Variants in SORBS2 observed in about 807,000 individuals in gnomAD.
The protein encoded by SORBS2 is sorbin and SH3 domain containing 2, also known as sorbin and SH3 domain-containing protein 2.
In SORBS2, 46 loss-of-function variants were observed where a neutral mutation model predicts 97.7. The observed-to-expected ratio is 0.47, with a 90% CI of 0.37 to 0.60. The LOEUF is 0.60. Ranked by LOEUF, SORBS2 falls within the 20% of genes least tolerant of loss-of-function variation. The pLI is 0.00. For synonymous variants in SORBS2, 476 were observed against 473.4 expected (o/e 1.01, Z -0.07); for missense variants, 1,316 against 1,282.3 (o/e 1.03, Z -0.40).
intron 2 of SORBS2, among the ~76,000 whole-genome samples, chr4:185,738,387 T>C (rs1014467609): frequency 1.3e-5 from 2 of 152,220 alleles, no homozygotes; most frequent in Admixed American, 6.5e-5. Flanking sequence ...AGTGTTGGGA[T>C]TCATAAAGCC....
chr4:185,595,634 CT>C (rs1205015823), intron 12 of SORBS2, among the ~76,000 whole-genome samples: 3 of 151,836 alleles, frequency 2.0e-5, no homozygotes, highest in Admixed American at 1.3e-4. Context: ...ACTTTCCAGT[CT>C]TTTTTTCTCA....
At chr4:185,845,172 C>G (rs2173478) in intron 1 of SORBS2, among the ~76,000 whole-genome samples, 87,643 of 151,706 alleles carry the variant, frequency 0.58, 25,583 homozygotes, top group East Asian at 0.79. Context: ...ACCACCACCC[C>G]CCAGCTAATT....
chr4:185,841,004 A>G (rs2153677579), intron 1 of SORBS2, among the ~76,000 whole-genome samples: 1 of 152,346 alleles, frequency 6.6e-6, no homozygotes, highest in Non-Finnish European at 1.5e-5. Flanking sequence ...TGTCTTAAAA[A>G]ATAAGCAAGT....
intron 2 of SORBS2, among the ~76,000 whole-genome samples, chr4:185,706,381 C>G (rs750440626): frequency 9.2e-5 from 14 of 152,294 alleles, no homozygotes; most frequent in Admixed American, 2.0e-4. Flanking sequence ...TGACTCTTTT[C>G]TCTTTTAGTT....
At chr4:185,733,562 G>T (rs2098660468) in intron 2 of SORBS2, among the ~76,000 whole-genome samples, 1 of 152,192 alleles carries the variant, frequency 6.6e-6, no homozygotes, top group Non-Finnish European at 1.5e-5. Context: ...GTGTGCTTGG[G>T]GATAAGGGCG....
Position 185,717,433 on chromosome 4 carries a change from G to A in SORBS2, c.-197-38611C>T, listed in dbSNP as rs116515186. On this transcript the variant is annotated intron_variant, in intron 2 of 20. Coordinates refer to the SORBS2 transcript ENST00000284776. ...TGGCAACTATTATCTGAGGAAGGCC[G>A]ACATCCTCCAATAGCGATCCTGTGT... Among the ~76,000 whole-genome samples, 1,019 of 152,304 alleles carry A rather than the reference G, an allele frequency of 6.7e-3. 3 individuals carry two copies. The highest frequency in any genetic ancestry group is 0.011 in the Non-Finnish European group (721 of 68,028).
intron 1 of SORBS2, among the ~76,000 whole-genome samples, chr4:185,837,851 A>G (rs1216138643): frequency 6.6e-6 from 1 of 151,874 alleles, no homozygotes; most frequent in East Asian, 1.9e-4. Flanking sequence ...ATAGAAAAAA[A>G]AAAAACCCAC....
Position 185,868,159 on chromosome 4 carries a change from C to CTTTTTTTTTTTTTTTTTTTTTT in SORBS2, c.-338+88036_-338+88037insAAAAAAAAAAAAAAAAAAAAAA, listed in dbSNP as rs112680775. On this transcript the variant is annotated intron_variant, in intron 1 of 20. Transcript: ENST00000284776. ...TCTCTTTTCTTTTCTTTTTTTCTTT[C>CTTTTTTTTTTTTTTTTTTTTTT]TTTTTTTTTTTTTTTGAGGCAGAGT... Among the ~76,000 whole-genome samples the CTTTTTTTTTTTTTTTTTTTTTT allele has an allele frequency of 1.5e-4, 16 of 105,216 alleles. 1 individual carries two copies. The highest frequency in any genetic ancestry group is 2.7e-4 in the African/African-American group (7 of 25,618). The allele number at this position is 105,216 out of a possible 152,430, so 69.0% of individuals were successfully genotyped here.
chr4:185,594,775 A>G (rs956076526), intron 12 of SORBS2, among the ~76,000 whole-genome samples: 19 of 152,210 alleles, frequency 1.2e-4, no homozygotes, highest in African/African-American at 4.3e-4. Flanking sequence ...TGTAATTTAT[A>G]TTGACTACCT....
chr4:185,927,168 GGT>G (rs1335702421), intron 1 of SORBS2, among the ~76,000 whole-genome samples: 5 of 147,466 alleles, frequency 3.4e-5, no homozygotes, highest in South Asian at 2.1e-4. Context: ...ACATACATAA[GGT>G]ATACATATTA....
chr4:185,870,609 G>A (rs769239012), intron 1 of SORBS2, among the ~76,000 whole-genome samples: 6 of 152,198 alleles, frequency 3.9e-5, no homozygotes, highest in African/African-American at 7.2e-5. Context: ...TGCTGCGCTC[G>A]TTCCTCAGGG....
chr4:185,649,515 G>C (rs1419530439), exon 3 of SORBS2: 1 of 1,602,890 alleles, frequency 6.2e-7, no homozygotes, highest in South Asian at 1.1e-5. Context: ...GACTGGAGGT[G>C]GAACATGTGG....
rs145496396 is a variant in SORBS2, at chr4:185,623,812, G to A, written c.1317C>T (p.Thr439=). 1 of 1,614,134 alleles carries A rather than the reference G, an allele frequency of 6.2e-7. No individual in the cohort carries two copies. Reference sequence around the variant, plus strand: ...ATAGGCCATTTTGCGGTGGTTCTAGGGTTACGGGAGACAGCATGTCATCCC... The same window carrying A: ...ATAGGCCATTTTGCGGTGGTTCTAGAGTTACGGGAGACAGCATGTCATCCC... Residue 439 remains threonine, a synonymous_variant, in exon 7 of 15, where the codon ACC becomes ACT. Transcript: ENST00000418609. This position sits in a 1 kb window ranked among gnomAD's most constrained non-coding sequence, Gnocchi z 6.4.
At chr4:185,925,700 G>T (rs558705527) in intron 1 of SORBS2, among the ~76,000 whole-genome samples, 1 of 152,126 alleles carries the variant, frequency 6.6e-6, no homozygotes, top group African/African-American at 2.4e-5. Flanking sequence ...GTATCGGTAG[G>T]CATGGGGGAG....
At chr4:185,863,397 T>C (rs2099224993) in intron 1 of SORBS2, among the ~76,000 whole-genome samples, 1 of 152,240 alleles carries the variant, frequency 6.6e-6, no homozygotes, top group Non-Finnish European at 1.5e-5. Context: ...TGCAACGTCC[T>C]ATGCTTATTT....
At chr4:185,799,880 C>A (rs770745011) in intron 1 of SORBS2, among the ~76,000 whole-genome samples, 6 of 152,166 alleles carry the variant, frequency 3.9e-5, no homozygotes, top group Non-Finnish European at 8.8e-5. Flanking sequence ...TAAACCAGAA[C>A]TCCCACCCGA....
At chr4:185,893,172 T>C (rs1037860922) in intron 1 of SORBS2, among the ~76,000 whole-genome samples, 1 of 152,042 alleles carries the variant, frequency 6.6e-6, no homozygotes, top group African/African-American at 2.4e-5. Context: ...TGCTGTGGAA[T>C]GAGGAGGAAG....
At chr4:185,802,480 G>C (rs1585075270) in intron 1 of SORBS2, among the ~76,000 whole-genome samples, 1 of 152,150 alleles carries the variant, frequency 6.6e-6, no homozygotes, top group Admixed American at 6.5e-5. Context: ...CCAGAACTTA[G>C]GTCTTTCTCG....
chr4:185,954,012 T>A (rs1364257952), intron 1 of SORBS2, among the ~76,000 whole-genome samples: 1 of 152,268 alleles, frequency 6.6e-6, no homozygotes. Flanking sequence ...CATCTCTTGC[T>A]GTCCTGAATG....
Sources: gnomAD v4.1 joint callset for allele counts (sites outside exome capture counted in the v4.1 genomes callset) on GRCh38, gnomAD v4.1.1 for gene constraint, Gnocchi (gnomAD v3.1) non-coding constraint, MANE v1.5 for transcripts, NCBI Gene and HGNC (gene_info 2026-07-23, HGNC 2026-07-21) for gene names.